The following CNPY1 variants were observed in gnomAD, a reference collection of about 807,000 sequenced individuals.
CNPY1 encodes the protein protein canopy homolog 1.
Under a neutral mutation model 14.4 loss-of-function variants are expected in CNPY1, and 14 were observed. That is an observed-to-expected ratio of 0.97 (90% CI 0.64 to 1.52). The LOEUF is 1.52. Ranked by LOEUF, CNPY1 falls within the 40% of genes most tolerant of loss-of-function variation. The pLI is 0.00. For missense variants in CNPY1, 129 were observed against 131.5 expected (o/e 0.98, Z 0.09); for synonymous variants, 43 against 46.5 (o/e 0.92, Z 0.31).
chr7:155,525,671 T>C (rs1180437492), intron 2 of CNPY1, among the ~76,000 whole-genome samples: 3 of 152,250 alleles, frequency 2.0e-5, no homozygotes, highest in Non-Finnish European at 4.4e-5. Context: ...AGCTACTGTC[T>C]GGATAAACAG....
intron 2 of CNPY1, among the ~76,000 whole-genome samples, chr7:155,544,557 T>C (rs1182771624): frequency 2.6e-5 from 4 of 152,162 alleles, no homozygotes; most frequent in Non-Finnish European, 5.9e-5. Context: ...GTGGACACAA[T>C]GCACACACAG....
At chr7:155,520,075 G>A (rs991838010) in intron 2 of CNPY1, among the ~76,000 whole-genome samples, 5 of 152,188 alleles carry the variant, frequency 3.3e-5, no homozygotes, top group African/African-American at 7.2e-5. Flanking sequence ...TAACTAGGTC[G>A]CCGTAGGTAT....
chr7:155,509,120 G>A (rs966623409), intron 2 of CNPY1, 23 bp from the exon 3 acceptor site: 8 of 1,424,906 alleles, frequency 5.6e-6, no homozygotes, highest in East Asian at 4.6e-5. Context: ...ACAGGGCGAG[G>A]AAACTTGTCT....
intron 4 of CNPY1, among the ~76,000 whole-genome samples, chr7:155,504,897 T>C (rs1305973333): frequency 6.6e-6 from 1 of 152,134 alleles, no homozygotes; most frequent in East Asian, 1.9e-4. Context: ...GCATCTGGAG[T>C]CTTCTACGGT....
intron 4 of CNPY1, among the ~76,000 whole-genome samples, chr7:155,506,252 T>C (rs868533730): frequency 6.6e-5 from 10 of 152,214 alleles, no homozygotes; most frequent in Admixed American, 2.0e-4. Flanking sequence ...TACTCACTCA[T>C]TTCTTCCCAA....
chr7:155,524,010 G>A (rs1403900691), intron 2 of CNPY1, among the ~76,000 whole-genome samples: 1 of 152,146 alleles, frequency 6.6e-6, no homozygotes, highest in Non-Finnish European at 1.5e-5. Context: ...CCACAGACTA[G>A]ATTTTCCCTC....
At chr7:155,516,386 G>A (rs1796622659) in intron 2 of CNPY1, among the ~76,000 whole-genome samples, 1 of 152,226 alleles carries the variant, frequency 6.6e-6, no homozygotes, top group Non-Finnish European at 1.5e-5. Flanking sequence ...GTCTCAGTGG[G>A]AGAGGATGAG....
chr7:155,529,886 G>A (rs961792219), intron 2 of CNPY1, among the ~76,000 whole-genome samples: 13 of 151,924 alleles, frequency 8.6e-5, no homozygotes, highest in South Asian at 2.1e-4. Context: ...TGGCTCAAGC[G>A]ATTCTCATGC....
intron 2 of CNPY1, among the ~76,000 whole-genome samples, chr7:155,534,904 G>A (rs1439328113): frequency 6.6e-6 from 1 of 152,208 alleles, no homozygotes; most frequent in Non-Finnish European, 1.5e-5. Context: ...AGAGATGCTG[G>A]AGGGCATCAC....
intron 2 of CNPY1, chr7:155,533,872 C>T (rs937753492): frequency 1.8e-4 from 27 of 152,200 alleles, no homozygotes; most frequent in African/African-American, 6.3e-4. Context: ...TAAAAATAAT[C>T]TCTTTCCCTT....
In CNPY1 at chr7:155,545,049, G is replaced by A. The variant is rs541208945; in HGVS notation, c.99+782C>T. On this transcript the variant is annotated intron_variant, in intron 2 of 4. Transcript: ENST00000636446. ...GGGCACACAGCTCCAGGAAGACACG[G>A]ACCCCACACAGACAGCCTAGTTTGC... Among the ~76,000 whole-genome samples, 20 of 152,282 alleles carry A rather than the reference G, an allele frequency of 1.3e-4. No homozygotes were observed. The East Asian group carries it at 3.5e-3, about 26-fold the overall frequency.
intron 2 of CNPY1, chr7:155,510,384 A>G (rs1018489990): frequency 1.3e-5 from 2 of 152,258 alleles, no homozygotes; most frequent in Non-Finnish European, 2.9e-5. Context: ...TAAGGAAGCC[A>G]CTTTGTCAAA....
At chr7:155,507,661 G>A (rs1175420894) in intron 3 of CNPY1, among the ~76,000 whole-genome samples, 1 of 151,940 alleles carries the variant, frequency 6.6e-6, no homozygotes. Context: ...AGTTACTTCG[G>A]GAGGTGTCTT....
At position 155,541,095 on chromosome 7, in the gene CNPY1, G is replaced by A. The variant is rs112327699; in HGVS notation, c.99+4736C>T. On this transcript the variant is annotated intron_variant, in intron 2 of 4. Transcript: ENST00000636446. The stretch of plus-strand genomic sequence containing the variant: ...TACCGAGTGAAGACATCCCACCTAC[G>A]GTGGCAGCAGGGGTGGTCTCCCACC... Among the ~76,000 whole-genome samples the A allele has an allele frequency of 2.6e-5, 4 of 152,328 alleles. 1 individual carries two copies. The highest frequency in any genetic ancestry group is 9.6e-5 in the African/African-American group (4 of 41,584).
chr7:155,528,864 T>A (rs73163398), intron 2 of CNPY1, among the ~76,000 whole-genome samples: 3 of 151,954 alleles, frequency 2.0e-5, no homozygotes, highest in Non-Finnish European at 2.9e-5. Context: ...ATCAAGACCA[T>A]CCTGGCTAAC....
In CNPY1 at chr7:155,544,742, G is replaced by C. The variant is rs10271454; in HGVS notation, c.99+1089C>G. Reference sequence around the variant, plus strand: ...TCAGACCTGCAGCAGAGCAGCCAGTGGGCCTGCACGGGGTCCCTCCGGTGG... The same window carrying C: ...TCAGACCTGCAGCAGAGCAGCCAGTCGGCCTGCACGGGGTCCCTCCGGTGG... On this transcript the variant is annotated intron_variant, in intron 2 of 4. Coordinates refer to ENST00000636446, the MANE Select transcript of CNPY1 (RefSeq NM_001393663.1). Among the ~76,000 whole-genome samples, 1,060 of 152,326 alleles carry C rather than the reference G, an allele frequency of 7.0e-3. 6 individuals are homozygous for C. The highest frequency in any genetic ancestry group is 0.024 in the African/African-American group (1,014 of 41,574).
intron 2 of CNPY1, among the ~76,000 whole-genome samples, chr7:155,525,337 C>T (rs1037459578): frequency 2.6e-5 from 4 of 152,094 alleles, no homozygotes; most frequent in Non-Finnish European, 5.9e-5. Flanking sequence ...TGCGCCATCA[C>T]GGCCGGTTAA....
chr7:155,519,393 C>T (rs1796676770), intron 2 of CNPY1, among the ~76,000 whole-genome samples: 1 of 152,046 alleles, frequency 6.6e-6, no homozygotes, highest in Non-Finnish European at 1.5e-5. Context: ...TGGTGGCGAG[C>T]ACCTGTGGTC....
At chr7:155,521,392 G>A (rs1359420719) in intron 2 of CNPY1, among the ~76,000 whole-genome samples, 1 of 152,210 alleles carries the variant, frequency 6.6e-6, no homozygotes, top group East Asian at 1.9e-4. Flanking sequence ...AGAGTAGAAA[G>A]TCTAGTGCAC....
Sources: gnomAD v4.1 joint callset for allele counts (sites outside exome capture counted in the v4.1 genomes callset) on GRCh38, gnomAD v4.1.1 for gene constraint, MANE v1.5 for transcripts, NCBI Gene and HGNC (gene_info 2026-07-23, HGNC 2026-07-21) for gene names.